The following TADA2A variants were observed in gnomAD, a reference collection of about 807,000 sequenced individuals.
TADA2A encodes transcriptional adapter 2-alpha.
In TADA2A, 38 loss-of-function variants were observed where a neutral mutation model predicts 67.4. That is an observed-to-expected ratio of 0.56 (90% confidence interval 0.44 to 0.74). The LOEUF (loss-of-function observed/expected upper bound fraction) is 0.74. Ranked by LOEUF, TADA2A falls within the 30% of genes least tolerant of loss-of-function variation. The probability of loss-of-function intolerance (pLI) is 0.00; values close to 1 mark genes in which losing one functional copy is unlikely to be tolerated. For missense variants in TADA2A, 454 were observed against 547.0 expected, an observed-to-expected ratio of 0.83 and a Z score of 1.70; for synonymous variants, 192 against 181.6, an observed-to-expected ratio of 1.06 and a Z score of -0.46.
intron 10 of TADA2A, among the ~76,000 whole-genome samples, 158 bp downstream of exon 10, chr17:37,462,279 C>G (rs1400590143): frequency 5.9e-5 from 9 of 152,094 alleles, no homozygotes; most frequent in Non-Finnish European, 1.2e-4. Context: ...GGAGGCACAG[C>G]ACCTGCATTT....
intron 8 of TADA2A, among the ~76,000 whole-genome samples, chr17:37,455,889 G>A (rs893671386): frequency 2.7e-5 from 4 of 150,706 alleles, no homozygotes; most frequent in Non-Finnish European, 5.9e-5. Context: ...TGGTGTATAG[G>A]GCATATGCGG....
chr17:37,475,785 T>C (rs1299190997), intron 15 of TADA2A, among the ~76,000 whole-genome samples: 1 of 152,218 alleles, frequency 6.6e-6, no homozygotes, highest in Non-Finnish European at 1.5e-5. Flanking sequence ...TTATGTGACC[T>C]ACTTTTTCCA....
At chr17:37,436,453 A>T (rs1251588088) in intron 4 of TADA2A, 1 of 151,978 alleles carries the variant, frequency 6.6e-6, no homozygotes, top group African/African-American at 2.4e-5. Flanking sequence ...TCCACCTTCC[A>T]GTTCAAGCGA....
chr17:37,458,641 G>C, intron 9 of TADA2A, 54 bp downstream of exon 9: 1 of 322,866 alleles, frequency 3.1e-6, no homozygotes, highest in Non-Finnish European at 4.3e-6. Context: ...ATTGTTTTGT[G>C]TGTGTGTGTG....
intron 13 of TADA2A, 59 bp from the exon 14 acceptor site, chr17:37,471,034 GC>G (rs1191913588): frequency 1.9e-6 from 3 of 1,582,494 alleles, no homozygotes; most frequent in African/African-American, 1.3e-5. Context: ...TCTCACCGGG[GC>G]TTTTGGAAAT....
chr17:37,434,823 T>TA (rs1386093984), intron 4 of TADA2A, among the ~76,000 whole-genome samples: 152,343 of 152,344 alleles, frequency 1, 76,171 homozygotes, highest in Middle Eastern at 1. Flanking sequence ...TCTACATATT[T>TA]AAATATTTGA....
intron 8 of TADA2A, among the ~76,000 whole-genome samples, chr17:37,446,083 G>A (rs1354733940): frequency 7.3e-6 from 1 of 137,480 alleles, no homozygotes; most frequent in Non-Finnish European, 1.5e-5. Flanking sequence ...TTCTTGAGCG[G>A]TGGGTTTTTT....
At chr17:37,438,905 G>A (rs2052813148) in intron 5 of TADA2A, among the ~76,000 whole-genome samples, 1 of 151,422 alleles carries the variant, frequency 6.6e-6, no homozygotes, top group Non-Finnish European at 1.5e-5. Context: ...GTTTGGCAGT[G>A]AGTGGGCTAG....
At chr17:37,409,572 G>C (rs893782754) in intron 1 of TADA2A, among the ~76,000 whole-genome samples, 4 of 151,832 alleles carry the variant, frequency 2.6e-5, no homozygotes, top group Admixed American at 1.3e-4. Context: ...TTCGAGACCA[G>C]CCTGGCCAAC....
chr17:37,458,607 C>T lies in TADA2A; in HGVS notation c.668+20C>T. ...AAAAAAGTAAGTATAAAAAACCATCCTGGCCTCCTTTCAGCTTTGGATTAT... is the reference window on the plus strand; with the variant it reads ...AAAAAAGTAAGTATAAAAAACCATCTTGGCCTCCTTTCAGCTTTGGATTAT... On this transcript the variant is annotated intron_variant, in intron 9 of 15. Coordinates refer to ENST00000615182, the MANE Select transcript of TADA2A (RefSeq NM_001166105.3). The T allele has an allele frequency of 6.2e-7, 1 of 1,603,832 alleles. No individual in the cohort carries two copies. The highest frequency in any genetic ancestry group is 8.5e-7 in the Non-Finnish European group (1 of 1,172,198).
In TADA2A at chr17:37,440,619, A is replaced by G. The variant is rs1276622744; in HGVS notation, c.399A>G (p.Gln133=). The G allele has an allele frequency of 6.2e-7, 1 of 1,614,200 alleles. No homozygotes were observed. The highest frequency in any genetic ancestry group is 1.1e-5 in the South Asian group (1 of 91,092). ...CATCTACCCTGCTGAACCTGAAACA[A>G]GCAGAGGAAGCAAAAACTGCTGACA... ...LFASTLLNLK[Q]AEEAKTADTA... Residue 133 remains glutamine, a synonymous_variant, in exon 6 of 16, where the codon CAA becomes CAG. Transcript: ENST00000615182.
At chr17:37,437,369 G>A (rs188268267) in intron 4 of TADA2A, among the ~76,000 whole-genome samples, 1 of 151,764 alleles carries the variant, frequency 6.6e-6, no homozygotes, top group Non-Finnish European at 1.5e-5. Context: ...GGGATTACAG[G>A]CGTGAGCCAC....
intron 15 of TADA2A, among the ~76,000 whole-genome samples, chr17:37,474,986 T>C (rs2053863769): frequency 1.3e-5 from 2 of 152,104 alleles, no homozygotes; most frequent in Non-Finnish European, 1.5e-5. Context: ...TACATGAAAA[T>C]AGATATTTCC....
chr17:37,465,548 G>A lies in TADA2A; in HGVS notation c.823+7G>A. The stretch of plus-strand genomic sequence containing the variant: ...TTCATTGAAAGCCATGCATGTAGGT[G>A]GTTTTTGAGCCTTGAGCAGTATTTG... On this transcript the variant is annotated splice_region_variant and intron_variant, in intron 11 of 15. Coordinates refer to ENST00000615182, the MANE Select transcript of TADA2A (RefSeq NM_001166105.3). The A allele has an allele frequency of 1.2e-6, 2 of 1,614,040 alleles. No homozygotes were observed. The highest frequency in any genetic ancestry group is 1.1e-5 in the South Asian group (1 of 91,064).
intron 4 of TADA2A, among the ~76,000 whole-genome samples, chr17:37,434,161 G>A (rs1159550279): frequency 2.0e-5 from 3 of 152,174 alleles, no homozygotes; most frequent in South Asian, 4.1e-4. Context: ...TTGACAGGTC[G>A]AAGTGTATTT....
rs1358207528 is a variant in TADA2A at position 37,479,463 on chromosome 17, C to T, written c.*2481C>T. 1.3e-5 allele frequency: 2 copies of T among 152,100 alleles called. No homozygotes were observed. Among genetic ancestry groups the T allele is most frequent in the East Asian group, 3.9e-4 (2 of 5,194 alleles). The allele number at this position is 152,100 out of a possible 1,614,324, so 9.4% of individuals were successfully genotyped here. ...ATTTTTGAAAGTAGGATTATTATTT[C>T]TTTGGTATACCGAACTTTGCAAAGA... is the stretch of plus-strand genomic sequence containing the variant. On this transcript the variant is annotated 3_prime_UTR_variant, in exon 16 of 16. Transcript: ENST00000615182.
chr17:37,430,952 G>C (rs978837782), intron 4 of TADA2A, among the ~76,000 whole-genome samples: 4 of 152,080 alleles, frequency 2.6e-5, no homozygotes, highest in Admixed American at 2.0e-4. Context: ...AAATTTCTCT[G>C]TTGGATTTCA....
intron 15 of TADA2A, 96 bp from the exon 16 acceptor site, chr17:37,476,701 G>C: frequency 7.7e-7 from 1 of 1,301,846 alleles, no homozygotes; most frequent in Non-Finnish European, 1.1e-6. Flanking sequence ...ATAGTTGGAG[G>C]TTGATGTCAC....
intron 12 of TADA2A, among the ~76,000 whole-genome samples, chr17:37,467,792 G>T (rs1184678909): frequency 6.6e-6 from 1 of 152,036 alleles, no homozygotes; most frequent in African/African-American, 2.4e-5. Flanking sequence ...TAAAAAAAGG[G>T]AATCTTGGGC....
Sources: allele counts gnomAD v4.1 joint callset (sites outside exome capture counted in the v4.1 genomes callset), GRCh38; gene constraint gnomAD v4.1.1; transcripts MANE v1.5; gene names NCBI Gene and HGNC (gene_info 2026-07-23, HGNC 2026-07-21).